Variants in MYH15 observed in about 807,000 individuals in gnomAD.
MYH15 encodes the protein myosin-15.
A neutral mutation model predicts 240.5 loss-of-function variants in MYH15; 227 were observed. The observed-to-expected ratio is 0.94, with a 90% CI of 0.85 to 1.05. The LOEUF (loss-of-function observed/expected upper bound fraction) is 1.05, where lower values mean the gene tolerates loss of function less well. Ranked by LOEUF, MYH15 falls within the 50% of genes least tolerant of loss-of-function variation. The probability of loss-of-function intolerance (pLI) is 0.00; values close to 1 mark genes in which losing one functional copy is unlikely to be tolerated. For synonymous variants in MYH15, 785 were observed against 796.7 expected (o/e 0.99, Z 0.25); for missense variants, 2,217 against 2,247.5 (o/e 0.99, Z 0.27).
intron 33 of MYH15, among the ~76,000 whole-genome samples, chr3:108,401,149 C>A (rs897855368): frequency 7.2e-5 from 11 of 152,114 alleles, no homozygotes; most frequent in African/African-American, 2.4e-4. Context: ...TTAGGAACTG[C>A]ATTATGTCCC....
chr3:108,481,250 G>A (rs908441946), intron 11 of MYH15, among the ~76,000 whole-genome samples: 4 of 152,186 alleles, frequency 2.6e-5, no homozygotes, highest in African/African-American at 4.8e-5. Flanking sequence ...ACTAGAAAAT[G>A]CGTAAAAAAT....
Position 108,495,777 on chromosome 3 carries a change from TA to T in MYH15, c.711+2del. 6.2e-7 allele frequency: 1 copy of T among 1,605,844 alleles called. No individual in the cohort carries two copies. The highest frequency in any genetic ancestry group is 8.5e-7 in the Non-Finnish European group (1 of 1,174,194). On this transcript the variant is annotated splice_donor_variant, in intron 7 of 40. Transcript: ENST00000693548. LOFTEE classifies it high-confidence loss of function. ...TGATATTATGCTAAATCATGTTACT[TA>T]CAAAACGAGAGGAGTTGTCATTTCT... is the stretch of plus-strand genomic sequence containing the variant.
At chr3:108,421,244 G>A (rs1436004387) in intron 27 of MYH15, 30 bp from the exon 28 acceptor site, 1 of 1,602,868 alleles carries the variant, frequency 6.2e-7, no homozygotes, top group African/African-American at 1.3e-5. Context: ...GGCTGGTCAG[G>A]GCTCACAGAG....
chr3:108,500,309 A>G, intron 3 of MYH15, 35 bp from the exon 4 acceptor site: 1 of 1,584,636 alleles, frequency 6.3e-7, no homozygotes, highest in African/African-American at 1.4e-5. Flanking sequence ...CAGAAACTAG[A>G]TTAGAAATAC....
upstream of MYH15, among the ~76,000 whole-genome samples, chr3:108,529,735 C>T (rs1364085197): frequency 4.6e-5 from 7 of 152,142 alleles, no homozygotes; most frequent in South Asian, 1.5e-3. Flanking sequence ...GACACTGATC[C>T]CTGAAAGAGG....
chr3:108,477,651 A>AT (rs2083231748), intron 11 of MYH15, among the ~76,000 whole-genome samples: 1 of 152,148 alleles, frequency 6.6e-6, no homozygotes, highest in African/African-American at 2.4e-5. Flanking sequence ...AATTATAGAC[A>AT]AGCACCAATC....
At chr3:108,545,385 A>C in the MYH15 span, among the ~76,000 whole-genome samples, 2 of 152,152 alleles carry the variant, frequency 1.3e-5, no homozygotes, top group Admixed American at 6.5e-5. Context: ...AAAGGACATA[A>C]AACTTTTTAC....
intron 16 of MYH15, chr3:108,461,977 T>C (rs932603736): frequency 6.6e-6 from 1 of 152,160 alleles, no homozygotes; most frequent in Admixed American, 6.6e-5. Context: ...TGGTGTACTG[T>C]TGCCATGGGG....
chr3:108,395,467 T>C (rs935095077), intron 35 of MYH15, among the ~76,000 whole-genome samples: 9 of 152,174 alleles, frequency 5.9e-5, no homozygotes, highest in African/African-American at 2.2e-4. Flanking sequence ...CTGAAGTGTT[T>C]TTTGGATGCT....
intron 1 of MYH15, among the ~76,000 whole-genome samples, chr3:108,522,352 A>G (rs1040357004): frequency 1.1e-4 from 17 of 152,106 alleles, no homozygotes; most frequent in African/African-American, 4.1e-4. Context: ...AATTTTTCCT[A>G]GGGCATTATT....
At chr3:108,480,911 C>T (rs1045687563) in intron 11 of MYH15, among the ~76,000 whole-genome samples, 1 of 152,132 alleles carries the variant, frequency 6.6e-6, no homozygotes, top group African/African-American at 2.4e-5. Context: ...TCCATCTGTC[C>T]AGCTCCTTCA....
At position 108,414,264 on chromosome 3, in the gene MYH15, G is replaced by T; in HGVS notation, c.4113C>A (p.Val1371=). Residue 1371 remains valine, a synonymous_variant, in exon 30 of 41, where the codon GTC becomes GTA. Coordinates refer to ENST00000693548, the MANE Select transcript of MYH15 (RefSeq NM_014981.3). ...VQWRMKYENN[V]IQRTEDLEDA... ...CCTCCAAGTCTTCTGTTCTCTGGAT[G>T]ACATTGTTTTCATACTTCATTCTCC... 1 of 1,614,132 alleles carries T rather than the reference G, an allele frequency of 6.2e-7. No individual in the cohort carries two copies. The highest frequency in any genetic ancestry group is 1.1e-5 in the South Asian group (1 of 91,072).
At chr3:108,405,715 T>C (rs2082541889) in intron 32 of MYH15, among the ~76,000 whole-genome samples, 1 of 152,196 alleles carries the variant, frequency 6.6e-6, no homozygotes, top group South Asian at 2.1e-4. Flanking sequence ...AATAGAAAAT[T>C]TCACTCTTGT....
chr3:108,416,839 C>G lies in MYH15; in HGVS notation c.3921G>C (p.Leu1307=). 1 of 1,613,946 alleles carries G rather than the reference C, an allele frequency of 6.2e-7. No homozygotes were observed. Among genetic ancestry groups the G allele is most frequent in the Non-Finnish European group, 8.5e-7 (1 of 1,179,858 alleles). The change falls in exon 29 of 41, where the codon CTG becomes CTC. Residue 1307 remains leucine, a synonymous_variant. Transcript: ENST00000693548. ...TGGTCTCCTTTTCCAGCTGCCCTCT[C>G]AGGTCTTCAATCTGCCGAGTGAAGT... ...KSNFTRQIED[L]RGQLEKETKS...
chr3:108,480,908 G>A (rs2083261291), intron 11 of MYH15, among the ~76,000 whole-genome samples: 1 of 152,104 alleles, frequency 6.6e-6, no homozygotes, highest in African/African-American at 2.4e-5. Context: ...TTCTCCATCT[G>A]TCCAGCTCCT....
chr3:108,521,959 A>G (rs930880905), intron 1 of MYH15, among the ~76,000 whole-genome samples: 1 of 152,178 alleles, frequency 6.6e-6, no homozygotes, highest in African/African-American at 2.4e-5. Flanking sequence ...AAAGCAGACA[A>G]AACAGTTTAA....
chr3:108,509,360 T>C (rs1576276226), intron 1 of MYH15, among the ~76,000 whole-genome samples: 2 of 152,216 alleles, frequency 1.3e-5, no homozygotes, highest in East Asian at 3.9e-4. Context: ...GGCATCACTA[T>C]TATCTTGTCC....
At chr3:108,428,435 CT>C (rs2082743858) in intron 27 of MYH15, 56 bp downstream of exon 27, 7 of 1,526,484 alleles carry the variant, frequency 4.6e-6, no homozygotes, top group Non-Finnish European at 6.2e-6. Flanking sequence ...CCTCCCATTT[CT>C]TCCCCTCCCT....
chr3:108,411,658 G>C lies in MYH15; in HGVS notation c.4146-726C>G, dbSNP rs77692254. ...TTAGGAATTCTAATGGATGAAATGT[G>C]TTCTGTTTCTTACATCTCCTGCAGG... On this transcript the variant is annotated intron_variant, in intron 30 of 40. Coordinates refer to ENST00000693548, the MANE Select transcript of MYH15 (RefSeq NM_014981.3). Among the ~76,000 whole-genome samples, 1,013 of 152,284 alleles carry C rather than the reference G, an allele frequency of 6.7e-3. 8 individuals carry two copies. The highest frequency in any genetic ancestry group is 0.023 in the African/African-American group (959 of 41,534).
Sources: gnomAD v4.1 joint callset for allele counts (sites outside exome capture counted in the v4.1 genomes callset) on GRCh38, gnomAD v4.1.1 for gene constraint, MANE v1.5 for transcripts, NCBI Gene and HGNC (gene_info 2026-07-23, HGNC 2026-07-21) for gene names.